GBP1: variants seen among roughly 807,000 people sequenced by gnomAD.
GBP1 encodes the protein guanylate binding protein 1, also known as guanylate-binding protein 1.
GBP1 carries 64 observed loss-of-function variants against 69.5 expected under a neutral mutation model. That is an observed-to-expected ratio of 0.92 (90% confidence interval 0.75 to 1.13). The LOEUF is 1.13. Among genes scored for constraint, GBP1 ranks in the 50% most tolerant of loss-of-function variants. The pLI is 0.00. For missense variants in GBP1, 630 were observed against 704.1 expected, an observed-to-expected ratio of 0.89 and a Z score of 1.19; for synonymous variants, 250 against 261.2, an observed-to-expected ratio of 0.96 and a Z score of 0.41.
intron 3 of GBP1, among the ~76,000 whole-genome samples, 195 bp from the exon 4 acceptor site, chr1:89,059,621 T>TA (rs1169251106): frequency 6.6e-6 from 1 of 150,560 alleles, no homozygotes; most frequent in Non-Finnish European, 1.5e-5. Flanking sequence ...GGCTTTTGGG[T>TA]AGTTTTTCGA....
intron 6 of GBP1, among the ~76,000 whole-genome samples, 175 bp downstream of exon 6, chr1:89,057,817 C>A (rs1415684134): frequency 6.6e-6 from 1 of 152,156 alleles, no homozygotes; most frequent in Non-Finnish European, 1.5e-5. Context: ...TTCCTTTGGC[C>A]TTTTCCTAGA....
intron 2 of GBP1, among the ~76,000 whole-genome samples, chr1:89,061,349 C>T (rs1488789737): frequency 2.6e-5 from 4 of 152,034 alleles, no homozygotes; most frequent in Non-Finnish European, 4.4e-5. Flanking sequence ...AAAGACAGCC[C>T]ATGAATAAAC....
In GBP1 at chr1:89,063,147, T is replaced by C. The variant is rs1680244562; in HGVS notation, c.88A>G (p.Ile30Val). 1.2e-6 allele frequency: 2 copies of C among 1,613,972 alleles called. No homozygotes were observed. Among genetic ancestry groups the C allele is most frequent in the African/African-American group, 1.3e-5 (1 of 74,900 alleles). ...ATAGGCTGTGTAATGGCAGAAAGGA[T>C]CTTCAGAGCTTCTGGATTCGCCATC... ...RLMANPEALK[I>V]LSAITQPMVV... The change falls in exon 2 of 11, where the codon ATC becomes GTC. Residue 30 changes from isoleucine (I) to valine (V), a missense_variant. Physicochemically the swap from Ile to Val is conservative, Grantham distance 29. This residue lies in a region of GBP1 where 131 missense variants were observed against 138.5 expected (regional missense o/e 0.95). Coordinates refer to ENST00000370473, the MANE Select transcript of GBP1 (RefSeq NM_002053.3).
intron 5 of GBP1, chr1:89,058,553 A>G: frequency 9.2e-6 from 5 of 545,850 alleles, no homozygotes; most frequent in Non-Finnish European, 1.6e-5. Context: ...ATTGTACTCC[A>G]TACTCTATGG....
chr1:89,061,325 A>G (rs1355607129), intron 2 of GBP1, among the ~76,000 whole-genome samples: 2 of 152,178 alleles, frequency 1.3e-5, no homozygotes, highest in Non-Finnish European at 2.9e-5. Context: ...TGACATATAA[A>G]CCAATAGAAT....
chr1:89,064,265 G>C, intron 1 of GBP1, among the ~76,000 whole-genome samples: 1 of 150,496 alleles, frequency 6.6e-6, no homozygotes, highest in Non-Finnish European at 1.5e-5. Context: ...GAGAGAGAGA[G>C]AGAGAGAGAG....
intron 9 of GBP1, 94 bp from the exon 10 acceptor site, chr1:89,054,969 T>A (rs1321988592): frequency 6.8e-7 from 1 of 1,467,328 alleles, no homozygotes; most frequent in African/African-American, 1.4e-5. Context: ...GCTGACTGCA[T>A]ATGCCCTACT....
chr1:89,063,208 G>T lies in GBP1; in HGVS notation c.27C>A (p.Gly9=), dbSNP rs768449098. ...TAGTGTTCTCAATGAGGCACATTGG[G>T]CCTGTCATGTGGATCTCTGATGCCA... The part of the protein sequence containing the change: MASEIHMT[G]PMCLIENTNG... Residue 9 remains glycine, a synonymous_variant, in exon 2 of 11, where the codon GGC becomes GGA. Coordinates refer to ENST00000370473, the MANE Select transcript of GBP1 (RefSeq NM_002053.3). 5.0e-6 allele frequency: 8 copies of T among 1,614,034 alleles called. No homozygotes were observed. Among genetic ancestry groups the T allele is most frequent in the Non-Finnish European group, 5.9e-6 (7 of 1,179,940 alleles).
chr1:89,054,595 T>G, intron 10 of GBP1, 87 bp downstream of exon 10: 1 of 1,225,312 alleles, frequency 8.2e-7, no homozygotes, highest in Non-Finnish European at 1.2e-6. Flanking sequence ...CTGGGCTTCA[T>G]GTTCTCTCTG....
rs910822023 is a variant in GBP1, at chr1:89,059,435, C to G, written c.319-9G>C. ...TCATTCTGGTTGTCACCCTGGAAGT[C>G]AAGACACACTGGAGTCAGGAGCAAG... On this transcript the variant is annotated splice_polypyrimidine_tract_variant and intron_variant, in intron 3 of 10. Coordinates refer to ENST00000370473, the MANE Select transcript of GBP1 (RefSeq NM_002053.3). 6.2e-7 allele frequency: 1 copy of G among 1,612,214 alleles called. No individual in the cohort carries two copies. Among genetic ancestry groups the G allele is most frequent in the African/African-American group, 1.3e-5 (1 of 74,874 alleles).
chr1:89,064,238 T>C (rs867988787), intron 1 of GBP1, among the ~76,000 whole-genome samples: 2 of 112,806 alleles, frequency 1.8e-5, no homozygotes, highest in East Asian at 5.0e-4. Flanking sequence ...TGTGTGTGTG[T>C]GTGAGAGAGA....
At chr1:89,055,494 C>T (rs1347238115) in intron 8 of GBP1, 4 of 385,552 alleles carry the variant, frequency 1.0e-5, no homozygotes, top group Non-Finnish European at 1.9e-5. Flanking sequence ...ACTGTTAATG[C>T]TGTGGTCCCA....
chr1:89,063,765 T>C (rs1680261867), intron 1 of GBP1, among the ~76,000 whole-genome samples: 1 of 152,202 alleles, frequency 6.6e-6, no homozygotes, highest in Non-Finnish European at 1.5e-5. Context: ...TTCACTGCAA[T>C]GAGGATTGAC....
chr1:89,057,030 C>A lies in GBP1; in HGVS notation c.979G>T (p.Ala327Ser), dbSNP rs1680067192. The change falls in exon 7 of 11, where the codon GCA (alanine) becomes TCA (serine). Residue 327 changes from alanine to serine, a missense_variant. Transcript: ENST00000370473. ...TAGTGGGCAATAGCCTTTTGCACTG[C>A]AGCTGAGTTCTCTATCTGGGCCAAG... is the stretch of plus-strand genomic sequence containing the variant. ...LALAQIENSA[A>S]VQKAIAHYEQ... 1.9e-6 allele frequency: 3 copies of A among 1,614,250 alleles called. No homozygotes were observed. The highest frequency in any genetic ancestry group is 1.6e-4 in the Middle Eastern group (1 of 6,062).
chr1:89,058,769 C>T (rs889245572), intron 5 of GBP1, 72 bp downstream of exon 5: 2 of 1,533,958 alleles, frequency 1.3e-6, no homozygotes, highest in African/African-American at 1.4e-5. Flanking sequence ...GGAAAACTAG[C>T]AATAGTAAAC....
chr1:89,056,183 C>T lies in GBP1; in HGVS notation c.1201G>A (p.Glu401Lys), dbSNP rs1680039662. 5 of 1,613,848 alleles carry T rather than the reference C, an allele frequency of 3.1e-6. No individual in the cohort carries two copies. In the African/African-American group the frequency reaches 4.0e-5, roughly 13 times the overall value. The change falls in exon 8 of 11, where the codon GAA becomes AAA. Residue 401 changes from glutamate (E) to lysine (K), a missense_variant. Around this residue, in one of 5 missense-constraint regions of GBP1, gnomAD observed 367 missense variants for 369.5 expected, o/e 0.99. Coordinates refer to ENST00000370473, the MANE Select transcript of GBP1 (RefSeq NM_002053.3). ...KRDDFCKQNQEASSDRCSALL... is the reference protein window; with the variant it reads ...KRDDFCKQNQKASSDRCSALL... ...GCTGAGCAACGATCTGATGATGCTT[C>T]CTGATTCTGTTTACAAAAGTCATCC...
At chr1:89,060,699 C>T (rs1280389358) in intron 2 of GBP1, among the ~76,000 whole-genome samples, 1 of 152,192 alleles carries the variant, frequency 6.6e-6, no homozygotes, top group Non-Finnish European at 1.5e-5. Context: ...ACTGCAAGTC[C>T]TATCCAGAGT....
chr1:89,056,795 TC>T (rs1257519189), intron 7 of GBP1, 58 bp downstream of exon 7: 1 of 1,533,200 alleles, frequency 6.5e-7, no homozygotes, highest in African/African-American at 1.4e-5. Context: ...TAGTTTTCTT[TC>T]CTTGTGGTAC....
intron 8 of GBP1, 179 bp downstream of exon 8, chr1:89,055,837 C>A: frequency 1.4e-6 from 1 of 731,354 alleles, no homozygotes. Context: ...ACTGCACTCT[C>A]TTTGATGAGC....
Sources: gnomAD v4.1 joint callset for allele counts (sites outside exome capture counted in the v4.1 genomes callset) on GRCh38, gnomAD v4.1.1 for gene constraint, gnomAD v4.1.1 regional missense constraint, MANE v1.5 for transcripts, NCBI Gene and HGNC (gene_info 2026-07-23, HGNC 2026-07-21) for gene names.